The following TSGA10IP variants were observed in gnomAD, a reference collection of about 807,000 sequenced individuals.
TSGA10IP encodes the protein testis specific 10 interacting protein.
Under a neutral mutation model 63.2 loss-of-function variants are expected in TSGA10IP, and 64 were observed. The observed-to-expected ratio is 1.01, with a 90% CI of 0.83 to 1.25. TSGA10IP has a LOEUF of 1.25. Among genes scored for constraint, TSGA10IP ranks in the 50% most tolerant of loss-of-function variants. TSGA10IP has a pLI of 0.00. For synonymous variants in TSGA10IP, 316 were observed against 298.3 expected, an observed-to-expected ratio of 1.06 and a Z score of -0.61; for missense variants, 681 against 710.1, an observed-to-expected ratio of 0.96 and a Z score of 0.47.
intron 5 of TSGA10IP, among the ~76,000 whole-genome samples, chr11:65,955,487 A>C (rs900887229): frequency 6.6e-6 from 1 of 151,868 alleles, no homozygotes; most frequent in African/African-American, 2.4e-5. Context: ...GTGGCGCGCG[A>C]CTGTAGTCCC....
intron 5 of TSGA10IP, among the ~76,000 whole-genome samples, chr11:65,956,848 T>C (rs948441408): frequency 1.3e-5 from 2 of 152,070 alleles, no homozygotes; most frequent in Non-Finnish European, 2.9e-5. Context: ...GTTTTCACAG[T>C]GAGGCAGGAA....
At chr11:65,948,362 C>T (rs1854884326) in intron 4 of TSGA10IP, among the ~76,000 whole-genome samples, 1 of 152,154 alleles carries the variant, frequency 6.6e-6, no homozygotes, top group Non-Finnish European at 1.5e-5. Flanking sequence ...TCCACTCAAC[C>T]ATTCATCCAT....
chr11:65,945,770 G>A (rs1565304609), exon 1 of TSGA10IP: 1 of 1,614,010 alleles, frequency 6.2e-7, no homozygotes, highest in Non-Finnish European at 8.5e-7. Context: ...CAGGCTCCAG[G>A]AACCAGAACG....
intron 5 of TSGA10IP, among the ~76,000 whole-genome samples, chr11:65,956,754 C>G (rs1056035165): frequency 6.6e-6 from 1 of 151,970 alleles, no homozygotes; most frequent in African/African-American, 2.4e-5. Context: ...GTCTCAGACT[C>G]CTGACCTCAA....
chr11:65,951,722 T>C (rs1854945830), intron 4 of TSGA10IP, among the ~76,000 whole-genome samples: 1 of 150,932 alleles, frequency 6.6e-6, no homozygotes, highest in Non-Finnish European at 1.5e-5. Context: ...TTTAACTTTT[T>C]ATTTGTAGAG....
chr11:65,947,834 C>T lies in TSGA10IP; in HGVS notation c.1003+6C>T, dbSNP rs370670690. The T allele has an allele frequency of 6.5e-5, 100 of 1,541,726 alleles. No homozygotes were observed. In the African/African-American group the frequency reaches 1.2e-3, roughly 19 times the overall value. The stretch of plus-strand genomic sequence containing the variant: ...ACAGAGAGACCTGGACTGTGGTGAG[C>T]GTGGGGCTCAGAGCCTGGATTCCCC... On this transcript the variant is annotated splice_donor_region_variant and intron_variant, in intron 3 of 7. Transcript: ENST00000532620.
At chr11:65,953,632 C>G in exon 5 of TSGA10IP, 1 of 1,589,638 alleles carries the variant, frequency 6.3e-7, no homozygotes. Flanking sequence ...CTGCGGCGGG[C>G]CCGGACACAG....
intron 4 of TSGA10IP, among the ~76,000 whole-genome samples, chr11:65,952,036 TAG>T (rs1164314985): frequency 1.3e-5 from 2 of 152,070 alleles, no homozygotes; most frequent in Non-Finnish European, 2.9e-5. Flanking sequence ...ATTTTTTTAG[TAG>T]AGACAGGGTT....
exon 8 of TSGA10IP, chr11:65,959,867 C>A: frequency 1.2e-6 from 2 of 1,603,570 alleles, no homozygotes; most frequent in Non-Finnish European, 1.7e-6. Flanking sequence ...CAGAGGCCCC[C>A]AAGGACAGAA....
intron 4 of TSGA10IP, 71 bp from the exon 5 acceptor site, chr11:65,953,496 C>T: frequency 6.8e-7 from 1 of 1,478,260 alleles, no homozygotes; most frequent in Non-Finnish European, 8.9e-7. Flanking sequence ...ATTCCCTTAT[C>T]CAGCCCCTGG....
chr11:65,947,143 C>T, exon 3 of TSGA10IP: 1 of 1,612,186 alleles, frequency 6.2e-7, no homozygotes, highest in South Asian at 1.1e-5. Flanking sequence ...AACCCTCCTT[C>T]CCCTTCCAGT....
chr11:65,959,183 T>C lies in TSGA10IP; in HGVS notation c.1423-7T>C. ...GCAGAGCAGGAAGCCGTCTTCTCTC[T>C]CCTCAGGCCAATGCCCGGCTCACCG... On this transcript the variant is annotated splice_polypyrimidine_tract_variant and splice_region_variant and intron_variant, in intron 6 of 7. Transcript: ENST00000532620. 6.2e-7 allele frequency: 1 copy of C among 1,602,158 alleles called. No homozygotes were observed. Among genetic ancestry groups the C allele is most frequent in the African/African-American group, 1.3e-5 (1 of 74,802 alleles).
intron 4 of TSGA10IP, among the ~76,000 whole-genome samples, chr11:65,949,905 T>G (rs1463798155): frequency 3.1e-5 from 4 of 127,810 alleles, no homozygotes; most frequent in South Asian, 5.4e-4. Context: ...CAGGCTGGAG[T>G]GCTGTGGTGT....
chr11:65,947,968 G>C (rs1209363053), intron 3 of TSGA10IP, 33 bp from the exon 4 acceptor site: 1 of 1,545,786 alleles, frequency 6.5e-7, no homozygotes, highest in Admixed American at 2.0e-5. Context: ...GAGAGGGAGA[G>C]GGCAGCCCCT....
rs1565304706 is a variant in TSGA10IP, at chr11:65,945,903, G to T, written c.147+81G>T. 4 of 1,511,644 alleles carry T rather than the reference G, an allele frequency of 2.6e-6. No individual in the cohort carries two copies. The East Asian group carries it at 9.0e-5, about 34-fold the overall frequency. 93.6% of individuals were successfully genotyped at this position (1,511,644 alleles called of 1,614,324 possible). ...AGGCCTGGGCTGGGGAGGCCCTTGA[G>T]AAGCCACAAGACCTGAGCTGAGGTC... On this transcript the variant is annotated intron_variant, in intron 1 of 7. Coordinates refer to ENST00000532620, the Ensembl canonical transcript of TSGA10IP.
intron 4 of TSGA10IP, among the ~76,000 whole-genome samples, chr11:65,949,043 A>G (rs1591113482): frequency 1.3e-5 from 2 of 149,168 alleles, no homozygotes; most frequent in Admixed American, 6.7e-5. Context: ...TCTACAAAGG[A>G]AAAAAAAAAG....
intron 4 of TSGA10IP, among the ~76,000 whole-genome samples, chr11:65,951,964 C>T (rs956493734): frequency 4.6e-5 from 7 of 151,952 alleles, no homozygotes; most frequent in African/African-American, 1.7e-4. Flanking sequence ...ATTCTCTTGC[C>T]TCAGCCTCCT....
At position 65,946,860 on chromosome 11, in the gene TSGA10IP, C is replaced by A; in HGVS notation, c.148-20C>A. On this transcript the variant is annotated intron_variant, in intron 1 of 7. Transcript: ENST00000532620. ...GAGGCTGCTCAAGCTGGCTGCTCCT[C>A]CCCTACTGTCTCTGCCCAGGGCTGC... 1.9e-6 allele frequency: 3 copies of A among 1,612,164 alleles called. No individual in the cohort carries two copies. The highest frequency in any genetic ancestry group is 2.5e-6 in the Non-Finnish European group (3 of 1,179,220).
chr11:65,946,932 C>T, exon 2 of TSGA10IP: 1 of 1,613,914 alleles, frequency 6.2e-7, no homozygotes, highest in Non-Finnish European at 8.5e-7. Context: ...CAGCAGAGGT[C>T]TCAGAGCTCA....
Sources: gnomAD v4.1 joint callset for allele counts (sites outside exome capture counted in the v4.1 genomes callset) on GRCh38, gnomAD v4.1.1 for gene constraint, MANE v1.5 for transcripts, NCBI Gene and HGNC (gene_info 2026-07-23, HGNC 2026-07-21) for gene names.